The following MAGIX variants were observed in gnomAD, a reference collection of about 807,000 sequenced individuals.
MAGIX encodes PDZ domain-containing protein MAGIX.
MAGIX carries 13 observed loss-of-function variants against 10.0 expected under a neutral mutation model. The ratio of observed to expected loss-of-function variants is 1.30; its 90% CI spans 0.84 to 2.06. The LOEUF (loss-of-function observed/expected upper bound fraction) is 2.06, where lower values mean the gene tolerates loss of function less well. Ranked by LOEUF, MAGIX falls within the 30% of genes most tolerant of loss-of-function variation. The probability of loss-of-function intolerance (pLI) is 0.00; values close to 1 mark genes in which losing one functional copy is unlikely to be tolerated. For synonymous variants in MAGIX, 108 were observed against 106.8 expected (o/e 1.01, Z -0.07); for missense variants, 235 against 245.2 (o/e 0.96, Z 0.28).
chrX:49,166,173 C>T, exon 5 of MAGIX: 2 of 1,211,822 alleles, frequency 1.7e-6, no homozygotes, highest in Non-Finnish European at 2.2e-6. Context: ...CCATCCCGGA[C>T]GACGCTCAAG....
exon 5 of MAGIX, chrX:49,167,516 G>A (rs1839823018): frequency 8.8e-6 from 1 of 113,496 alleles, no homozygotes; most frequent in South Asian, 3.6e-4. Flanking sequence ...GGGAGGGGAC[G>A]GGGAAGGAAG....
Position 49,166,046 on chromosome X carries a change from C to G in MAGIX, c.503-28C>G, listed in dbSNP as rs781841062. ...AGCCAAAGGCCTGGATTTCCCTTCC[C>G]TACTTCACCACCCAATCTAATCCGT... On this transcript the variant is annotated intron_variant, in intron 4 of 4. Transcript: ENST00000616266. 6 of 1,191,638 alleles carry G rather than the reference C, an allele frequency of 5.0e-6. No individual in the cohort carries two copies. In the East Asian group the frequency reaches 1.8e-4, roughly 36 times the overall value.
chrX:49,164,553 T>A, intron 2 of MAGIX, 154 bp from the exon 3 acceptor site: 1 of 519,702 alleles, frequency 1.9e-6, no homozygotes, highest in Non-Finnish European at 3.4e-6. Flanking sequence ...TAAGATTACT[T>A]GAGGGGATGG....
chrX:49,167,971 C>T (rs782505317), exon 5 of MAGIX: 21 of 111,778 alleles, frequency 1.9e-4, no homozygotes, highest in African/African-American at 6.8e-4. Context: ...AGGGTCAAAG[C>T]ACGATTTAAT....
exon 4 of MAGIX, chrX:49,165,224 C>T (rs1557097533): frequency 8.4e-7 from 1 of 1,185,506 alleles, no homozygotes; most frequent in East Asian, 3.1e-5. Context: ...AACGGAGAGT[C>T]AACGCAGGGC....
rs782312974 is a variant in MAGIX, at chrX:49,165,434, G to C, written c.502+73G>C. On this transcript the variant is annotated intron_variant, in intron 4 of 4. Coordinates refer to ENST00000616266, the Ensembl canonical transcript of MAGIX. ...GAGGTTCACAGAGTGGAGAAGCTGA[G>C]ATTCTGGGTGGGAAGGGTTTGGTGG... 50 of 983,273 alleles carry C rather than the reference G, an allele frequency of 5.1e-5. No individual in the cohort carries two copies. The South Asian group carries it at 1.2e-3, about 24-fold the overall frequency. 81.0% of individuals were successfully genotyped at this position (983,273 alleles called of 1,213,427 possible). A position where few individuals can be genotyped will look rare whatever the true frequency, so the allele number is the denominator to read the frequency against.
chrX:49,166,077 C>T (rs1185625654), exon 5 of MAGIX: 4 of 1,207,699 alleles, frequency 3.3e-6, no homozygotes, highest in Non-Finnish European at 4.5e-6. Flanking sequence ...TCCGTAGTCC[C>T]GTCATGGCCA....
At chrX:49,163,602 C>T (rs2065344041) in intron 1 of MAGIX, 181 bp from the exon 2 acceptor site, 1 of 350,250 alleles carries the variant, frequency 2.9e-6, no homozygotes, top group African/African-American at 2.7e-5. Context: ...GGTGCACCGG[C>T]TACCCGCGAC....
exon 4 of MAGIX, chrX:49,165,250 G>A (rs781837628): frequency 2.5e-6 from 3 of 1,182,299 alleles, no homozygotes; most frequent in South Asian, 3.7e-5. Context: ...CCATGCCCAG[G>A]CCGTGGAGCG....
chrX:49,165,162 C>G, intron 3 of MAGIX, 28 bp from the exon 5 acceptor site: 2 of 1,201,506 alleles, frequency 1.7e-6, no homozygotes, highest in Non-Finnish European at 2.2e-6. Flanking sequence ...TTTTGCCTTT[C>G]CAACACGACT....
At chrX:49,166,096 C>T (rs782250284) in exon 5 of MAGIX, 4 of 1,211,526 alleles carry the variant, frequency 3.3e-6, no homozygotes, top group Non-Finnish European at 4.5e-6. Flanking sequence ...CAGATCGCAG[C>T]CCAGATCCTG....
At chrX:49,165,980 G>A (rs2065363680) in intron 4 of MAGIX, 94 bp from the exon 6 acceptor site, 1 of 879,016 alleles carries the variant, frequency 1.1e-6, no homozygotes, top group Non-Finnish European at 1.6e-6. Context: ...AAGGGTCAGG[G>A]TCTCATCTCC....
chrX:49,163,617 G>A, intron 1 of MAGIX, 166 bp from the exon 2 acceptor site: 2 of 410,571 alleles, frequency 4.9e-6, no homozygotes, highest in Non-Finnish European at 3.6e-6. Flanking sequence ...CGCGACGGTC[G>A]GGGATCGCGT....
At chrX:49,164,973 C>T (rs782308591) in exon 3 of MAGIX, 18 of 1,210,884 alleles carry the variant, frequency 1.5e-5, no homozygotes, top group South Asian at 1.8e-5. Context: ...AGCTGGTTCG[C>T]GGTTACGCAG....
intron 4 of MAGIX, 102 bp from the exon 6 acceptor site, chrX:49,165,972 G>C (rs7880193): frequency 3.3e-5 from 27 of 812,864 alleles, no homozygotes; most frequent in Middle Eastern, 5.8e-4. Flanking sequence ...ATTTCTCTAA[G>C]GGTCAGGGTC....
At chrX:49,168,068 C>G (rs1557098660) in exon 5 of MAGIX, 1 of 111,800 alleles carries the variant, frequency 8.9e-6, no homozygotes, top group African/African-American at 3.3e-5. Flanking sequence ...TTGCACTGTG[C>G]TAGGTACTGT....
Position 49,163,934 on chromosome X carries a change from G to A in MAGIX, c.-55+5G>A, listed in dbSNP as rs782031902. ...TGCGCCTGCGCCGGAAGGAGGGTGA[G>A]TGACTGGCGCAGGGCCTCCGCTGGG... On this transcript the variant is annotated splice_donor_5th_base_variant and intron_variant, in intron 2 of 4. Coordinates refer to ENST00000616266, the Ensembl canonical transcript of MAGIX. The A allele has an allele frequency of 4.1e-5, 42 of 1,013,091 alleles. No homozygotes were observed. The African/African-American group carries it at 7.7e-4, about 19-fold the overall frequency. The allele number at this position is 1,013,091 out of a possible 1,213,427, so 83.5% of individuals were successfully genotyped here.
At position 49,166,025 on chromosome X, in the gene MAGIX, A is replaced by G. The variant is rs781881788; in HGVS notation, c.503-49A>G. ...TGGGTTCTCCTGTCCATCCTCAGCC[A>G]AAGGCCTGGATTTCCCTTCCCTACT... is the stretch of plus-strand genomic sequence containing the variant. On this transcript the variant is annotated intron_variant, in intron 4 of 4. Coordinates refer to ENST00000616266, the Ensembl canonical transcript of MAGIX. The G allele has an allele frequency of 7.0e-6, 8 of 1,146,716 alleles. No homozygotes were observed. The South Asian group carries it at 1.5e-4, about 22-fold the overall frequency. 94.5% of individuals were successfully genotyped at this position (1,146,716 alleles called of 1,213,427 possible).
chrX:49,165,426 G>T, intron 4 of MAGIX, 65 bp downstream of exon 5: 1 of 1,014,201 alleles, frequency 9.9e-7, no homozygotes. Context: ...ACAGAGTGGA[G>T]AAGCTGAGAT....
Sources: allele counts gnomAD v4.1 joint callset, GRCh38; gene constraint gnomAD v4.1.1; transcripts MANE v1.5; gene names NCBI Gene and HGNC (gene_info 2026-07-23, HGNC 2026-07-21).